Variants in SLIT3 observed in about 807,000 individuals in gnomAD.
SLIT3 encodes slit guidance ligand 3, also known as slit homolog 3 protein.
A neutral mutation model predicts 184.0 loss-of-function variants in SLIT3; 68 were observed. The ratio of observed to expected loss-of-function variants is 0.37; its 90% CI spans 0.30 to 0.45. The LOEUF is 0.45. Among genes scored for constraint, SLIT3 ranks in the 20% least tolerant of loss-of-function variants. SLIT3 has a pLI of 1.00. For synonymous variants in SLIT3, 831 were observed against 828.6 expected (o/e 1.00, Z -0.05); for missense variants, 1,707 against 2,026.0 (o/e 0.84, Z 3.02).
At chr5:168,817,274 G>T in intron 8 of SLIT3, 26 bp downstream of exon 8, 5 of 1,611,698 alleles carry the variant, frequency 3.1e-6, no homozygotes, top group Non-Finnish European at 4.2e-6. Context: ...TAGCACAGGA[G>T]GGGAGAGCAG....
intron 4 of SLIT3, among the ~76,000 whole-genome samples, chr5:168,898,138 C>A (rs759215262): frequency 5.3e-5 from 8 of 151,014 alleles, no homozygotes; most frequent in Non-Finnish European, 7.4e-5. Context: ...CAGAATATAT[C>A]GATTCCTGCC....
intron 4 of SLIT3, among the ~76,000 whole-genome samples, chr5:169,082,124 G>A (rs1759088440): frequency 6.6e-6 from 1 of 152,206 alleles, no homozygotes; most frequent in South Asian, 2.1e-4. Flanking sequence ...CATGCAGTAA[G>A]TGTCCTTAGC....
At chr5:168,835,892 C>T (rs1198321540) in intron 6 of SLIT3, among the ~76,000 whole-genome samples, 2 of 152,088 alleles carry the variant, frequency 1.3e-5, no homozygotes, top group Non-Finnish European at 2.9e-5. Context: ...GTCTCAAACT[C>T]CTGGGCTCAA....
At chr5:168,989,519 C>A (rs1581273095) in intron 4 of SLIT3, among the ~76,000 whole-genome samples, 1 of 152,216 alleles carries the variant, frequency 6.6e-6, no homozygotes. Context: ...TGTGAGGTGA[C>A]AAGTTCCAGC....
rs1209492175 is a variant in SLIT3 at position 169,194,255 on chromosome 5, A to G, written c.342-705T>C. On this transcript the variant is annotated intron_variant, in intron 3 of 35. Transcript: ENST00000519560. ...TCTCAAAAAAAAAAAAAAAAAAAAA[A>G]AAAAAAAGAAGAAAAAGAAACCTTA... Among the ~76,000 whole-genome samples, 35 of 150,634 alleles carry G rather than the reference A, an allele frequency of 2.3e-4. No individual in the cohort carries two copies. In the East Asian group the frequency reaches 6.4e-3, roughly 28 times the overall value.
intron 35 of SLIT3, among the ~76,000 whole-genome samples, chr5:168,668,367 TGGTGCTGGTCAATGTCAGG>T (rs888409822): frequency 6.6e-6 from 1 of 151,908 alleles, no homozygotes; most frequent in Non-Finnish European, 1.5e-5. Context: ...GTGATGTCAG[TGGTGCTGGTCAATGTCAGG>T]GGGCCACTCT....
intron 4 of SLIT3, chr5:169,017,743 T>C (rs1756446077): frequency 6.6e-6 from 1 of 152,202 alleles, no homozygotes; most frequent in African/African-American, 2.4e-5. Flanking sequence ...AGGAAGAAGC[T>C]TGTCAATAAA....
rs577411609 is a variant in SLIT3, at chr5:168,770,795, A to G, written c.1459+1986T>C. On this transcript the variant is annotated intron_variant, in intron 14 of 35. Coordinates refer to ENST00000519560, the MANE Select transcript of SLIT3 (RefSeq NM_003062.4). ...ATCCTGCAGATCTACAGGTAGGACG[A>G]TAGTGGCAGAGCTAGAGTTAGAACT... Among the ~76,000 whole-genome samples, 74 of 152,218 alleles carry G rather than the reference A, an allele frequency of 4.9e-4. 1 individual carries two copies. Among genetic ancestry groups the G allele is most frequent in the Admixed American group, 4.8e-3 (73 of 15,302 alleles).
Position 169,062,881 on chromosome 5 carries a change from C to T in SLIT3, c.413+130598G>A, listed in dbSNP as rs1228364817. On this transcript the variant is annotated intron_variant, in intron 4 of 35. Coordinates refer to ENST00000519560, the MANE Select transcript of SLIT3 (RefSeq NM_003062.4). ...GCTGGGGAAGAAAAAGACCTTTAAC[C>T]AAGAATGACAGGAATGTCCAGGAAG... is the stretch of plus-strand genomic sequence containing the variant. 2.0e-5 allele frequency among the ~76,000 whole-genome samples: 3 copies of T among 152,110 alleles called. No homozygotes were observed. In the East Asian group the frequency reaches 5.8e-4, roughly 29 times the overall value.
intron 3 of SLIT3, among the ~76,000 whole-genome samples, chr5:169,238,664 A>G (rs1411395077): frequency 6.7e-6 from 1 of 150,006 alleles, no homozygotes; most frequent in African/African-American, 2.5e-5. Flanking sequence ...TTCTAACATT[A>G]TACTTCTCAA....
At chr5:168,958,244 A>G (rs1581245457) in intron 4 of SLIT3, among the ~76,000 whole-genome samples, 1 of 152,346 alleles carries the variant, frequency 6.6e-6, no homozygotes, top group South Asian at 2.1e-4. Context: ...AAAACCTCCT[A>G]GTGGTGAATA....
intron 20 of SLIT3, among the ~76,000 whole-genome samples, chr5:168,735,910 C>T (rs895769684): frequency 7.9e-5 from 12 of 152,180 alleles, no homozygotes; most frequent in Non-Finnish European, 1.6e-4. Context: ...GCTTTCAGCA[C>T]ACATCACCCT....
intron 6 of SLIT3, among the ~76,000 whole-genome samples, chr5:168,824,602 G>A (rs1757640084): frequency 6.6e-6 from 1 of 152,178 alleles, no homozygotes; most frequent in Admixed American, 6.5e-5. Flanking sequence ...GACATAATAT[G>A]TGGGGAAGTC....
intron 3 of SLIT3, among the ~76,000 whole-genome samples, chr5:169,226,308 T>G (rs1251476568): frequency 6.6e-6 from 1 of 152,006 alleles, no homozygotes; most frequent in Non-Finnish European, 1.5e-5. Context: ...GAGGCACACC[T>G]TTGGGAGACC....
intron 4 of SLIT3, among the ~76,000 whole-genome samples, chr5:168,904,274 T>C (rs1760970512): frequency 6.6e-6 from 1 of 152,134 alleles, no homozygotes; most frequent in South Asian, 2.1e-4. Flanking sequence ...GTTTCCCTCC[T>C]GGACTTTTCT....
intron 4 of SLIT3, among the ~76,000 whole-genome samples, chr5:168,939,335 G>A (rs1357784999): frequency 5.3e-5 from 8 of 152,198 alleles, no homozygotes; most frequent in Non-Finnish European, 1.0e-4. Context: ...GAGCACGGAT[G>A]TATACTGGAC....
intron 16 of SLIT3, among the ~76,000 whole-genome samples, chr5:168,756,480 C>T (rs1754950839): frequency 6.6e-6 from 1 of 152,236 alleles, no homozygotes; most frequent in African/African-American, 2.4e-5. Flanking sequence ...TTCTCCTTCT[C>T]TCCTTCCCAT....
At chr5:169,027,643 T>C (rs78494761) in intron 4 of SLIT3, among the ~76,000 whole-genome samples, 10,061 of 152,214 alleles carry the variant, frequency 0.066, 346 homozygotes, top group South Asian at 0.083. Flanking sequence ...TTCCCCCTCC[T>C]GAATGTAATA....
intron 4 of SLIT3, among the ~76,000 whole-genome samples, chr5:169,166,096 C>T (rs1305638148): frequency 6.6e-6 from 1 of 152,122 alleles, no homozygotes; most frequent in African/African-American, 2.4e-5. Context: ...GGATTTGACT[C>T]CAGAAACCAA....
Sources: gnomAD v4.1 joint callset for allele counts (sites outside exome capture counted in the v4.1 genomes callset) on GRCh38, gnomAD v4.1.1 for gene constraint, MANE v1.5 for transcripts, NCBI Gene and HGNC (gene_info 2026-07-23, HGNC 2026-07-21) for gene names.